Variants in ZNF473 observed in about 807,000 individuals in gnomAD.
The protein encoded by ZNF473 is zinc finger protein 100 homolog.
ZNF473 carries 4 observed loss-of-function variants against 11.1 expected under a neutral mutation model. That is an observed-to-expected ratio of 0.36 (90% CI 0.18 to 0.82). The LOEUF (loss-of-function observed/expected upper bound fraction) is 0.82. Among genes scored for constraint, ZNF473 ranks in the 40% least tolerant of loss-of-function variants. The pLI is 0.49. For synonymous variants in ZNF473, 404 were observed against 390.4 expected (o/e 1.03, Z -0.41); for missense variants, 854 against 1,084.0 (o/e 0.79, Z 2.98).
At chr19:50,032,092 G>A (rs1470099813) in intron 2 of ZNF473, among the ~76,000 whole-genome samples, 1 of 150,606 alleles carries the variant, frequency 6.6e-6, no homozygotes. Context: ...GTAAATGATT[G>A]CCAAATATGT....
chr19:50,045,273 G>A lies in ZNF473; in HGVS notation c.830G>A (p.Ser277Asn). ...CNEYGTTFSQ[S>N]TYLWHQKTHT... The stretch of plus-strand genomic sequence containing the variant: ...GAATATGGGACAACTTTTAGTCAGA[G>A]TACATACCTGTGGCATCAGAAAACT... The change falls in exon 5 of 5, where the codon AGT (serine) becomes AAT (asparagine). Residue 277 changes from serine (S) to asparagine (N), a missense_variant. Physicochemically the swap from Ser to Asn is conservative, Grantham distance 46. Coordinates refer to ENST00000270617, the MANE Select transcript of ZNF473 (RefSeq NM_015428.4). 2 of 1,614,164 alleles carry A rather than the reference G, an allele frequency of 1.2e-6. No homozygotes were observed. The highest frequency in any genetic ancestry group is 1.7e-6 in the Non-Finnish European group (2 of 1,180,046).
At chr19:50,026,567 AAAG>A (rs2077280028) in intron 1 of ZNF473, among the ~76,000 whole-genome samples, 1 of 148,328 alleles carries the variant, frequency 6.7e-6, no homozygotes. Flanking sequence ...AAAAAAAAAA[AAAG>A]AAAGGAAGAA....
At chr19:50,044,597 C>G in intron 4 of ZNF473, 73 bp from the exon 5 acceptor site, 1 of 1,270,350 alleles carries the variant, frequency 7.9e-7, no homozygotes. Flanking sequence ...GACTCAAGAT[C>G]TATCACCCCT....
Position 50,047,238 on chromosome 19 carries a change from C to T in ZNF473, c.*179C>T, listed in dbSNP as rs1979193716. The T allele has an allele frequency of 4.8e-6, 3 of 625,240 alleles. No individual in the cohort carries two copies. The highest frequency in any genetic ancestry group is 5.4e-6 in the Non-Finnish European group (2 of 368,498). 38.7% of individuals were successfully genotyped at this position (625,240 alleles called of 1,614,324 possible). On this transcript the variant is annotated 3_prime_UTR_variant, in exon 5 of 5. Transcript: ENST00000270617. ...CAAAAGTGGAGAAGCTGTACAACGT[C>T]AGGATTCAGAGGTAGGCTCTGGAGC...
At chr19:50,035,021 G>A (rs2077337676) in intron 2 of ZNF473, among the ~76,000 whole-genome samples, 1 of 152,204 alleles carries the variant, frequency 6.6e-6, no homozygotes, top group African/African-American at 2.4e-5. Flanking sequence ...GCTGGGCATG[G>A]TGGCTCATGC....
chr19:50,032,574 A>G (rs1390169282), intron 2 of ZNF473, among the ~76,000 whole-genome samples: 1 of 152,124 alleles, frequency 6.6e-6, no homozygotes, highest in Non-Finnish European at 1.5e-5. Flanking sequence ...AGTCTGGACT[A>G]GGGAAACGGT....
At chr19:50,028,457 T>G (rs552432778) in intron 1 of ZNF473, among the ~76,000 whole-genome samples, 1 of 151,870 alleles carries the variant, frequency 6.6e-6, no homozygotes, top group East Asian at 1.9e-4. Flanking sequence ...TCCTCCTACC[T>G]CAGTCTCCCA....
chr19:50,030,037 G>C (rs2077309791), intron 1 of ZNF473, among the ~76,000 whole-genome samples: 1 of 152,062 alleles, frequency 6.6e-6, no homozygotes, highest in Non-Finnish European at 1.5e-5. Context: ...TCTTAGTACA[G>C]ACGGGGTTTC....
Position 50,026,134 on chromosome 19 carries a change from C to G in ZNF473, c.-192+12C>G, listed in dbSNP as rs559309146. The G allele has an allele frequency of 6.5e-6, 1 of 152,834 alleles. No individual in the cohort carries two copies. The highest frequency in any genetic ancestry group is 6.5e-5 in the Admixed American group (1 of 15,308). 9.5% of individuals were successfully genotyped at this position (152,834 alleles called of 1,614,324 possible). ...ACTACAATCCCGAGGTACGGAGACG[C>G]TGGGGCTGAGGGACTTGCGGGCTCG... On this transcript the variant is annotated intron_variant, in intron 1 of 4. Coordinates refer to ENST00000270617, the MANE Select transcript of ZNF473 (RefSeq NM_015428.4).
At chr19:50,034,643 T>C (rs1206108143) in intron 2 of ZNF473, among the ~76,000 whole-genome samples, 1 of 152,240 alleles carries the variant, frequency 6.6e-6, no homozygotes, top group Non-Finnish European at 1.5e-5. Flanking sequence ...TGTTTTTTAA[T>C]GTCTTCTGTG....
rs3222106 is a variant in ZNF473 at position 50,035,452 on chromosome 19, C to CGTGTGTGTGTGTGTGT, written c.10-3686_10-3671dup. Among the ~76,000 whole-genome samples, 1,016 of 138,460 alleles carry CGTGTGTGTGTGTGTGT rather than the reference C, an allele frequency of 7.3e-3. 10 individuals carry two copies. Among genetic ancestry groups the CGTGTGTGTGTGTGTGT allele is most frequent in the Admixed American group, 0.01 (137 of 13,660 alleles). The allele number at this position is 138,460 out of a possible 152,430, so 90.8% of individuals were successfully genotyped here. On this transcript the variant is annotated intron_variant, in intron 2 of 4. Coordinates refer to ENST00000270617, the MANE Select transcript of ZNF473 (RefSeq NM_015428.4). The stretch of plus-strand genomic sequence containing the variant: ...TTCAGAGGTGACCAGTTCTTTCATA[C>CGTGTGTGTGTGTGTGT]GTGTGTGTGTGTGTGTGTGTGTGTG...
rs1412740991 is a variant in ZNF473 at position 50,041,836 on chromosome 19, G to C, written c.226+17G>C. On this transcript the variant is annotated intron_variant, in intron 4 of 4. Coordinates refer to ENST00000270617, the MANE Select transcript of ZNF473 (RefSeq NM_015428.4). Reference sequence around the variant, plus strand: ...CAAGCCCTGGTGAGTGGATGGAGAGGGGCCCCTTGTGTACCTTCTGTCTTC... The same window carrying C: ...CAAGCCCTGGTGAGTGGATGGAGAGCGGCCCCTTGTGTACCTTCTGTCTTC... 1.3e-6 allele frequency: 2 copies of C among 1,598,962 alleles called. No individual in the cohort carries two copies. Among genetic ancestry groups the C allele is most frequent in the African/African-American group, 2.7e-5 (2 of 73,768 alleles).
intron 3 of ZNF473, among the ~76,000 whole-genome samples, chr19:50,040,239 C>T (rs1037879164): frequency 2.6e-5 from 4 of 152,222 alleles, no homozygotes; most frequent in African/African-American, 9.7e-5. Flanking sequence ...CACAAGCTTC[C>T]AGAATTCTCT....
intron 2 of ZNF473, among the ~76,000 whole-genome samples, chr19:50,036,094 C>T (rs540849564): frequency 1.3e-5 from 2 of 151,880 alleles, no homozygotes; most frequent in African/African-American, 4.8e-5. Context: ...GTAGCTGGGA[C>T]TACAGGTGTG....
In ZNF473 at chr19:50,035,847, A is replaced by T. The variant is rs117939509; in HGVS notation, c.10-3314A>T. Among the ~76,000 whole-genome samples, 64 of 152,096 alleles carry T rather than the reference A, an allele frequency of 4.2e-4. No individual in the cohort carries two copies. In the East Asian group the frequency reaches 0.011, roughly 27 times the overall value. On this transcript the variant is annotated intron_variant, in intron 2 of 4. Coordinates refer to ENST00000270617, the MANE Select transcript of ZNF473 (RefSeq NM_015428.4). ...TAGAATTTGAACTGGGACCTGTCTG[A>T]CTCTAAAGCTGAGCCTCTAACAGGT...
At chr19:50,038,952 C>G (rs929556974) in intron 2 of ZNF473, among the ~76,000 whole-genome samples, 1 of 152,224 alleles carries the variant, frequency 6.6e-6, no homozygotes, top group Non-Finnish European at 1.5e-5. Flanking sequence ...GGTTGACATC[C>G]TGTCCCCTGG....
rs1327896326 is a variant in ZNF473, at chr19:50,046,080, T to G, written c.1637T>G (p.Val546Gly). 1.2e-6 allele frequency: 2 copies of G among 1,614,064 alleles called. No homozygotes were observed. The highest frequency in any genetic ancestry group is 2.7e-5 in the African/African-American group (2 of 74,898). ...GCCAGAGAAAAACAAGGATTTTTTG[T>G]GAGTGGGAAGATCTTGGATCAGAAC... is the stretch of plus-strand genomic sequence containing the variant. Reference protein sequence around the residue: ...VHAREKQGFFVSGKILDQNPE... With the variant: ...VHAREKQGFFGSGKILDQNPE... The change falls in exon 5 of 5, where the codon GTG becomes GGG. Residue 546 changes from valine (V) to glycine (G), a missense_variant. Physicochemically the swap from Val to Gly is moderately radical, Grantham distance 109. This residue lies in a region of ZNF473 where 668 missense variants were observed against 790.2 expected (regional missense o/e 0.85). Coordinates refer to ENST00000270617, the MANE Select transcript of ZNF473 (RefSeq NM_015428.4). This position sits in a 1 kb window ranked among gnomAD's most constrained non-coding sequence, Gnocchi z 5.9.
chr19:50,028,564 C>T (rs1237711542), intron 1 of ZNF473, among the ~76,000 whole-genome samples: 1 of 151,622 alleles, frequency 6.6e-6, no homozygotes, highest in African/African-American at 2.4e-5. Flanking sequence ...AGGCTGGTCT[C>T]GAACACCTTT....
At chr19:50,041,842 CT>C (rs767650147) in intron 4 of ZNF473, 23 bp downstream of exon 4, 19 of 1,582,134 alleles carry the variant, frequency 1.2e-5, no homozygotes, top group Non-Finnish European at 1.5e-5. Flanking sequence ...AGAGGGGCCC[CT>C]TGTGTACCTT....
Sources: gnomAD v4.1 joint callset for allele counts (sites outside exome capture counted in the v4.1 genomes callset) on GRCh38, gnomAD v4.1.1 for gene constraint, gnomAD v4.1.1 regional missense constraint, Gnocchi (gnomAD v3.1) non-coding constraint, MANE v1.5 for transcripts, NCBI Gene and HGNC (gene_info 2026-07-23, HGNC 2026-07-21) for gene names.